UBTD1: variants seen among roughly 807,000 people sequenced by gnomAD.
UBTD1 encodes ubiquitin domain-containing protein 1.
UBTD1 carries 19 observed loss-of-function variants against 21.7 expected under a neutral mutation model. The observed-to-expected ratio is 0.87, with a 90% confidence interval of 0.61 to 1.28. The LOEUF is 1.28. UBTD1 is among the 50% of genes most tolerant of loss of function. The pLI, the probability that UBTD1 is intolerant of heterozygous loss-of-function variation, is 0.00. For synonymous variants in UBTD1, 116 were observed against 135.1 expected, an observed-to-expected ratio of 0.86 and a Z score of 0.98; for missense variants, 282 against 315.1, an observed-to-expected ratio of 0.89 and a Z score of 0.80.
At chr10:97,546,445 CCG>C (rs1358425120) in intron 1 of UBTD1, among the ~76,000 whole-genome samples, 1 of 151,976 alleles carries the variant, frequency 6.6e-6, no homozygotes, top group Non-Finnish European at 1.5e-5. Context: ...AAAAAATTAG[CCG>C]AATGTCGTGG....
intron 1 of UBTD1, among the ~76,000 whole-genome samples, chr10:97,527,707 C>G (rs932749302): frequency 1.3e-5 from 2 of 151,946 alleles, no homozygotes; most frequent in Non-Finnish European, 2.9e-5. Context: ...TCTTGCACCA[C>G]CCTTAATCCA....
At chr10:97,548,863 C>T (rs1220167799) in intron 1 of UBTD1, among the ~76,000 whole-genome samples, 2 of 152,200 alleles carry the variant, frequency 1.3e-5, no homozygotes, top group Non-Finnish European at 2.9e-5. Context: ...GCCAGTTTTC[C>T]TCTGGAAATG....
At chr10:97,520,062 G>C (rs1298342498) in intron 1 of UBTD1, among the ~76,000 whole-genome samples, 1 of 152,216 alleles carries the variant, frequency 6.6e-6, no homozygotes, top group Admixed American at 6.5e-5. Context: ...TTAAATCCAA[G>C]CTTTACTGCT....
Position 97,502,188 on chromosome 10 carries a change from AT to A in UBTD1, c.70+2926del, listed in dbSNP as rs550102757. ...CCATCTGCATTTTTCATATATCTGC[AT>A]TTTTTTTTTTACCTGCTAGTTTATC... is the stretch of plus-strand genomic sequence containing the variant. On this transcript the variant is annotated intron_variant, in intron 1 of 2. Coordinates refer to ENST00000370664, the MANE Select transcript of UBTD1 (RefSeq NM_024954.5). Among the ~76,000 whole-genome samples the A allele has an allele frequency of 3.0e-3, 442 of 146,530 alleles. 1 individual carries two copies. Among genetic ancestry groups the A allele is most frequent in the African/African-American group, 6.2e-3 (248 of 40,218 alleles).
At chr10:97,506,062 C>T (rs544349510) in intron 1 of UBTD1, among the ~76,000 whole-genome samples, 2 of 152,214 alleles carry the variant, frequency 1.3e-5, no homozygotes, top group Admixed American at 6.5e-5. Flanking sequence ...GTGTACAGAG[C>T]GCCTGCTTGG....
intron 1 of UBTD1, among the ~76,000 whole-genome samples, chr10:97,520,279 G>A (rs948899692): frequency 1.3e-5 from 2 of 152,170 alleles, no homozygotes; most frequent in Admixed American, 1.3e-4. Flanking sequence ...GGCTCTGGGT[G>A]GCTGACCCAA....
intron 1 of UBTD1, among the ~76,000 whole-genome samples, chr10:97,528,891 TG>T (rs1171747495): frequency 2.2e-5 from 2 of 88,932 alleles, no homozygotes; most frequent in Non-Finnish European, 4.5e-5. Flanking sequence ...GCTGGCCGGG[TG>T]GGGGGCTGAC....
chr10:97,509,469 A>G (rs2040412880), intron 1 of UBTD1, among the ~76,000 whole-genome samples: 1 of 152,196 alleles, frequency 6.6e-6, no homozygotes, highest in South Asian at 2.1e-4. Context: ...TAGATGGGGA[A>G]CAACGCAAAG....
In UBTD1 at chr10:97,568,054, C is replaced by A. The variant is rs1294672205; in HGVS notation, c.211C>A (p.Leu71Ile). ...GGGCCGCAAGGAGATCTGGGATGCC[C>A]TCAAGGCTGCCGCCTATGCTGCTGA... Reference protein sequence around the residue: ...FEGRKEIWDALKAAAYAAEAN... With the variant: ...FEGRKEIWDAIKAAAYAAEAN... Residue 71 changes from leucine (L) to isoleucine (I), a missense_variant, in exon 2 of 3, where the codon CTC becomes ATC. Leu to Ile is a conservative substitution (Grantham distance 5, BLOSUM62 2). Coordinates refer to ENST00000370664, the MANE Select transcript of UBTD1 (RefSeq NM_024954.5). 2 of 1,613,704 alleles carry A rather than the reference C, an allele frequency of 1.2e-6. No individual in the cohort carries two copies. Among genetic ancestry groups the A allele is most frequent in the African/African-American group, 1.3e-5 (1 of 74,938 alleles).
chr10:97,519,076 A>G (rs895225351), intron 1 of UBTD1, among the ~76,000 whole-genome samples: 5 of 152,220 alleles, frequency 3.3e-5, no homozygotes, highest in Non-Finnish European at 7.3e-5. Flanking sequence ...CTAGAGGAGG[A>G]GACGGCCATG....
In UBTD1 at chr10:97,524,434, C is replaced by T. The variant is rs2040479341; in HGVS notation, c.70+25161C>T. On this transcript the variant is annotated intron_variant, in intron 1 of 2. Coordinates refer to ENST00000370664, the MANE Select transcript of UBTD1 (RefSeq NM_024954.5). ...AGTTTTTACCCTGACTGGCACACCT[C>T]CTTCTTCTAGCCCCCTCTTCCTGAT... is the stretch of plus-strand genomic sequence containing the variant. 2.0e-5 allele frequency among the ~76,000 whole-genome samples: 3 copies of T among 152,142 alleles called. No homozygotes were observed. In the South Asian group the frequency reaches 6.2e-4, roughly 32 times the overall value.
rs777905265 is a variant in UBTD1, at chr10:97,568,070, A to G, written c.227A>G (p.Tyr76Cys). Residue 76 changes from tyrosine (Y) to cysteine (C), a missense_variant, in exon 2 of 3, where the codon TAT (tyrosine) becomes TGT (cysteine). By Grantham distance (194) the Tyr-to-Cys change is radical. Transcript: ENST00000370664. The part of the protein sequence containing the change: ...EIWDALKAAA[Y>C]AAEANDHELA... ...TGGGATGCCCTCAAGGCTGCCGCCT[A>G]TGCTGCTGAAGCCAACGACCACGAG... The G allele has an allele frequency of 2.5e-6, 4 of 1,613,934 alleles. No individual in the cohort carries two copies. The East Asian group carries it at 6.7e-5, about 27-fold the overall frequency.
chr10:97,516,004 C>T (rs1397524893), intron 1 of UBTD1, among the ~76,000 whole-genome samples: 1 of 152,232 alleles, frequency 6.6e-6, no homozygotes, highest in African/African-American at 2.4e-5. Flanking sequence ...TTATGTGGAA[C>T]ATTTAATAGC....
At chr10:97,508,146 C>T (rs1221333890) in intron 1 of UBTD1, among the ~76,000 whole-genome samples, 1 of 152,222 alleles carries the variant, frequency 6.6e-6, no homozygotes, top group Non-Finnish European at 1.5e-5. Flanking sequence ...CACCTTTTCA[C>T]AGATGAAGAA....
chr10:97,554,621 G>A (rs2040655613), intron 1 of UBTD1, among the ~76,000 whole-genome samples: 1 of 152,130 alleles, frequency 6.6e-6, no homozygotes, highest in Admixed American at 6.5e-5. Flanking sequence ...TGCAGTCATA[G>A]TTCACTGCAG....
chr10:97,541,053 G>T (rs971555726), intron 1 of UBTD1, among the ~76,000 whole-genome samples: 1 of 152,180 alleles, frequency 6.6e-6, no homozygotes, highest in African/African-American at 2.4e-5. Flanking sequence ...CAGGCAGCAG[G>T]CTGGGAGTGA....
intron 1 of UBTD1, among the ~76,000 whole-genome samples, chr10:97,528,893 G>A (rs1169742028): frequency 6.7e-6 from 1 of 149,176 alleles, no homozygotes. Context: ...TGGCCGGGTG[G>A]GGGGCTGACC....
intron 1 of UBTD1, among the ~76,000 whole-genome samples, chr10:97,538,424 A>G (rs996249883): frequency 6.6e-6 from 1 of 152,240 alleles, no homozygotes; most frequent in Admixed American, 6.5e-5. Flanking sequence ...ACCACAGAGT[A>G]ACAGATTACA....
At position 97,506,013 on chromosome 10, in the gene UBTD1, C is replaced by T. The variant is rs1012479613; in HGVS notation, c.70+6740C>T. On this transcript the variant is annotated intron_variant, in intron 1 of 2. Coordinates refer to ENST00000370664, the MANE Select transcript of UBTD1 (RefSeq NM_024954.5). ...TATTAATATACAGCTCAGAAAGAAC[C>T]TCTGGTTTGGGACTAGGGGTTGTTG... is the stretch of plus-strand genomic sequence containing the variant. Among the ~76,000 whole-genome samples, 10 of 152,148 alleles carry T rather than the reference C, an allele frequency of 6.6e-5. No individual in the cohort carries two copies. The East Asian group carries it at 1.9e-3, about 29-fold the overall frequency.
Sources: allele counts gnomAD v4.1 joint callset (sites outside exome capture counted in the v4.1 genomes callset), GRCh38; gene constraint gnomAD v4.1.1; transcripts MANE v1.5; gene names NCBI Gene and HGNC (gene_info 2026-07-23, HGNC 2026-07-21).